IGSF11: variants seen among roughly 807,000 people sequenced by gnomAD.
IGSF11 encodes CXADR like 1.
A neutral mutation model predicts 41.0 loss-of-function variants in IGSF11; 22 were observed. The observed-to-expected ratio is 0.54, with a 90% CI of 0.38 to 0.77. The LOEUF is 0.77. Among genes scored for constraint, IGSF11 ranks in the 30% least tolerant of loss-of-function variants. The pLI is 0.00. For missense variants in IGSF11, 444 were observed against 530.8 expected (o/e 0.84, Z 1.61); for synonymous variants, 219 against 201.3 (o/e 1.09, Z -0.74).
At chr3:118,985,901 A>T (rs76024838) in intron 1 of IGSF11, among the ~76,000 whole-genome samples, 3,692 of 152,234 alleles carry the variant, frequency 0.024, 82 homozygotes, top group East Asian at 0.066. Flanking sequence ...ATCTTGTCAC[A>T]ACCTCAGTAT....
intron 1 of IGSF11, among the ~76,000 whole-genome samples, chr3:119,120,994 T>C (rs1393801146): frequency 6.6e-6 from 1 of 152,114 alleles, no homozygotes; most frequent in Admixed American, 6.5e-5. Context: ...TATCATGACC[T>C]ATAGAATTAA....
At chr3:119,044,554 C>G (rs1941244586) in intron 1 of IGSF11, among the ~76,000 whole-genome samples, 1 of 152,110 alleles carries the variant, frequency 6.6e-6, no homozygotes, top group South Asian at 2.1e-4. Context: ...ATAAGATGCT[C>G]AAGGAACACC....
chr3:119,079,598 G>A (rs2076556561), intron 1 of IGSF11, among the ~76,000 whole-genome samples: 1 of 152,126 alleles, frequency 6.6e-6, no homozygotes, highest in Non-Finnish European at 1.5e-5. Flanking sequence ...GTTCATTGCA[G>A]CACTATTCAC....
chr3:118,987,461 C>T (rs907838367), intron 1 of IGSF11, among the ~76,000 whole-genome samples: 2 of 152,166 alleles, frequency 1.3e-5, no homozygotes, highest in Admixed American at 6.5e-5. Flanking sequence ...AAGTCCAAAG[C>T]CTGACACTTC....
At chr3:118,965,920 G>A (rs1482518865) in intron 1 of IGSF11, among the ~76,000 whole-genome samples, 1 of 151,928 alleles carries the variant, frequency 6.6e-6, no homozygotes, top group African/African-American at 2.4e-5. Flanking sequence ...GCAGTTGGGT[G>A]GATGAGTTCT....
chr3:119,085,865 G>C (rs770037449), intron 1 of IGSF11, among the ~76,000 whole-genome samples: 8 of 152,162 alleles, frequency 5.3e-5, no homozygotes, highest in Admixed American at 2.0e-4. Flanking sequence ...AAAAGAATCA[G>C]ACAAAATGCA....
intron 1 of IGSF11, among the ~76,000 whole-genome samples, chr3:119,115,615 G>GA (rs1256808372): frequency 4.6e-5 from 7 of 152,212 alleles, no homozygotes; most frequent in Middle Eastern, 6.8e-3. Flanking sequence ...TTTTCCTATA[G>GA]AGTTGTTTGG....
chr3:118,916,226 A>C (rs1197921198), intron 4 of IGSF11, among the ~76,000 whole-genome samples: 1 of 151,402 alleles, frequency 6.6e-6, no homozygotes, highest in Non-Finnish European at 1.5e-5. Flanking sequence ...AGCTAACATC[A>C]TAATGACAGG....
At chr3:119,001,816 G>C (rs1390953114) in intron 1 of IGSF11, among the ~76,000 whole-genome samples, 4 of 140,928 alleles carry the variant, frequency 2.8e-5, no homozygotes, top group African/African-American at 1.1e-4. Context: ...ATTTTTTATG[G>C]CTGCATAGTA....
intron 1 of IGSF11, among the ~76,000 whole-genome samples, chr3:119,082,916 G>A (rs1298962737): frequency 6.6e-6 from 1 of 151,814 alleles, no homozygotes; most frequent in Non-Finnish European, 1.5e-5. Flanking sequence ...TTGTCTCAAG[G>A]GAGTATAAAA....
chr3:119,101,438 G>A (rs768121268), intron 1 of IGSF11, among the ~76,000 whole-genome samples: 46 of 152,208 alleles, frequency 3.0e-4, no homozygotes, highest in Admixed American at 8.5e-4. Flanking sequence ...GAATCTGGGA[G>A]GTAGAAGTTG....
chr3:118,987,524 G>C (rs1935378859), intron 1 of IGSF11, among the ~76,000 whole-genome samples: 1 of 152,210 alleles, frequency 6.6e-6, no homozygotes, highest in South Asian at 2.1e-4. Context: ...GGCCTAGTCA[G>C]TGGAGGTAAT....
At chr3:119,103,604 T>C (rs2076973518) in intron 1 of IGSF11, among the ~76,000 whole-genome samples, 1 of 152,156 alleles carries the variant, frequency 6.6e-6, no homozygotes, top group African/African-American at 2.4e-5. Flanking sequence ...GCGTAAAAGT[T>C]TCTTTTTTCT....
chr3:119,118,091 G>T (rs2903299), intron 1 of IGSF11, among the ~76,000 whole-genome samples: 70,276 of 152,000 alleles, frequency 0.46, 16,355 homozygotes, highest in East Asian at 0.51. Context: ...ACAGTGCAAA[G>T]TGTTGGTGGA....
At chr3:119,094,918 C>T (rs987303742) in intron 1 of IGSF11, among the ~76,000 whole-genome samples, 5 of 151,886 alleles carry the variant, frequency 3.3e-5, no homozygotes, top group Admixed American at 2.0e-4. Context: ...ATGATCCAGC[C>T]GCCTCGGCCT....
intron 4 of IGSF11, among the ~76,000 whole-genome samples, chr3:118,914,091 A>G (rs1224240691): frequency 6.6e-6 from 1 of 152,202 alleles, no homozygotes; most frequent in Admixed American, 6.5e-5. Context: ...TAAATCAAGT[A>G]TGCATTTGAG....
At chr3:118,988,735 TA>T (rs1218338733) in intron 1 of IGSF11, among the ~76,000 whole-genome samples, 6 of 151,614 alleles carry the variant, frequency 4.0e-5, no homozygotes, top group Non-Finnish European at 7.4e-5. Context: ...ACTATTTGCT[TA>T]AAAAAAAACT....
At chr3:119,130,709 C>G (rs1299095863) in intron 1 of IGSF11, among the ~76,000 whole-genome samples, 3 of 151,410 alleles carry the variant, frequency 2.0e-5, no homozygotes, top group African/African-American at 4.8e-5. Flanking sequence ...AGCAGTGATT[C>G]TCCAGACAGA....
chr3:118,960,032 G>C (rs375589683), intron 1 of IGSF11, among the ~76,000 whole-genome samples: 1 of 145,324 alleles, frequency 6.9e-6, no homozygotes, highest in Non-Finnish European at 1.5e-5. Flanking sequence ...GTGACACAGC[G>C]AGACTCCGTC....
Sources: gnomAD v4.1 joint callset for allele counts (sites outside exome capture counted in the v4.1 genomes callset) on GRCh38, gnomAD v4.1.1 for gene constraint, MANE v1.5 for transcripts, NCBI Gene and HGNC (gene_info 2026-07-23, HGNC 2026-07-21) for gene names.